Variants in GLIS1 observed in about 807,000 individuals in gnomAD.
The protein encoded by GLIS1 is GLIS family zinc finger 1.
GLIS1 carries 24 observed loss-of-function variants against 63.8 expected under a neutral mutation model. That is an observed-to-expected ratio of 0.38 (90% confidence interval 0.27 to 0.53). The LOEUF is 0.53. Ranked by LOEUF, GLIS1 falls within the 20% of genes least tolerant of loss-of-function variation. The probability of loss-of-function intolerance (pLI) is 0.85; values close to 1 mark genes in which losing one functional copy is unlikely to be tolerated. For missense variants in GLIS1, 1,036 were observed against 1,074.1 expected (o/e 0.96, Z 0.50); for synonymous variants, 450 against 482.5 (o/e 0.93, Z 0.88).
chr1:53,589,763 C>A (rs569804892), intron 4 of GLIS1, among the ~76,000 whole-genome samples: 3 of 152,180 alleles, frequency 2.0e-5, no homozygotes, highest in Non-Finnish European at 2.9e-5. Flanking sequence ...TGGGAGGACA[C>A]GCATGGGCCT....
intron 4 of GLIS1, among the ~76,000 whole-genome samples, chr1:53,577,643 GA>G (rs1645045991): frequency 6.6e-6 from 1 of 152,210 alleles, no homozygotes; most frequent in Non-Finnish European, 1.5e-5. Flanking sequence ...CTGGAGCACA[GA>G]AGTGAGGATC....
intron 2 of GLIS1, among the ~76,000 whole-genome samples, chr1:53,701,807 G>T (rs1022996029): frequency 6.6e-6 from 1 of 151,950 alleles, no homozygotes; most frequent in African/African-American, 2.4e-5. Context: ...AGCCTGCCCA[G>T]CATGGAGAAA....
intron 4 of GLIS1, among the ~76,000 whole-genome samples, chr1:53,586,317 C>T (rs1365682012): frequency 6.6e-6 from 1 of 152,178 alleles, no homozygotes; most frequent in East Asian, 1.9e-4. Flanking sequence ...CTACTGCAGA[C>T]TCTGACTGCT....
chr1:53,697,693 T>C lies in GLIS1; in HGVS notation c.259+40113A>G, dbSNP rs533297598. Reference sequence around the variant, plus strand: ...CTTCCACAGTCCAGCTAACACTTATTTAGCATATACTCGGTGCGGACACTG... The same window carrying C: ...CTTCCACAGTCCAGCTAACACTTATCTAGCATATACTCGGTGCGGACACTG... On this transcript the variant is annotated intron_variant, in intron 2 of 10. Coordinates refer to ENST00000628545, the MANE Select transcript of GLIS1 (RefSeq NM_001367484.1). Among the ~76,000 whole-genome samples, 3 of 152,316 alleles carry C rather than the reference T, an allele frequency of 2.0e-5. No individual in the cohort carries two copies. The East Asian group carries it at 5.8e-4, about 29-fold the overall frequency.
intron 2 of GLIS1, among the ~76,000 whole-genome samples, chr1:53,690,724 C>T (rs963442518): frequency 3.3e-5 from 5 of 152,174 alleles, no homozygotes; most frequent in Non-Finnish European, 7.3e-5. Flanking sequence ...CTGGCCTTAA[C>T]AGACAGAGAA....
At chr1:53,578,524 C>T (rs149061395) in intron 4 of GLIS1, among the ~76,000 whole-genome samples, 314 of 152,282 alleles carry the variant, frequency 2.1e-3, no homozygotes, top group African/African-American at 7.0e-3. Flanking sequence ...CATAAGACCT[C>T]GTAGGGATTA....
At chr1:53,638,327 A>G (rs2100278219) in intron 2 of GLIS1, among the ~76,000 whole-genome samples, 1 of 152,330 alleles carries the variant, frequency 6.6e-6, no homozygotes, top group East Asian at 1.9e-4. Flanking sequence ...TTCCCATCAC[A>G]GCAACCACAC....
intron 2 of GLIS1, among the ~76,000 whole-genome samples, chr1:53,626,796 G>T (rs1286311580): frequency 6.6e-6 from 1 of 152,166 alleles, no homozygotes; most frequent in Non-Finnish European, 1.5e-5. Context: ...GTCCACTCCC[G>T]CATCATCTGG....
intron 6 of GLIS1, 71 bp from the exon 7 acceptor site, chr1:53,520,837 G>T: frequency 6.7e-7 from 1 of 1,486,466 alleles, no homozygotes; most frequent in Non-Finnish European, 9.0e-7. Flanking sequence ...TCACGTTAGG[G>T]GACAGGGCAG....
intron 4 of GLIS1, among the ~76,000 whole-genome samples, chr1:53,547,792 C>T (rs2316194): frequency 0.55 from 83,338 of 151,670 alleles, 23,705 homozygotes; most frequent in Middle Eastern, 0.63. Context: ...TGTCAGCGAT[C>T]ACCAGGACAG....
At position 53,662,389 on chromosome 1, in the gene GLIS1, G is replaced by A. The variant is rs1380684408; in HGVS notation, c.260-62111C>T. 2.6e-5 allele frequency among the ~76,000 whole-genome samples: 4 copies of A among 152,206 alleles called. No individual in the cohort carries two copies. The East Asian group carries it at 5.8e-4, about 22-fold the overall frequency. ...AACCATGTGTTCCCAATGAGGTAAT[G>A]GATGGGAACGCACTTTGTAAAATGT... On this transcript the variant is annotated intron_variant, in intron 2 of 10. Transcript: ENST00000628545.
chr1:53,683,920 C>T (rs1296958045), intron 2 of GLIS1, among the ~76,000 whole-genome samples: 1 of 152,082 alleles, frequency 6.6e-6, no homozygotes, highest in Non-Finnish European at 1.5e-5. Flanking sequence ...CCTGACCCAC[C>T]CCGCCTGCCA....
intron 2 of GLIS1, among the ~76,000 whole-genome samples, chr1:53,676,626 C>G (rs895694494): frequency 6.6e-6 from 1 of 152,164 alleles, no homozygotes; most frequent in African/African-American, 2.4e-5. Flanking sequence ...AGCCCCAGCC[C>G]TGCCACAGAC....
chr1:53,529,101 T>C (rs573330051), intron 5 of GLIS1, among the ~76,000 whole-genome samples: 17 of 152,318 alleles, frequency 1.1e-4, no homozygotes, highest in African/African-American at 4.1e-4. Context: ...TATGAGATCC[T>C]GAGGGGTGAA....
chr1:53,699,497 G>C (rs1157692194), intron 2 of GLIS1, among the ~76,000 whole-genome samples: 2 of 152,182 alleles, frequency 1.3e-5, no homozygotes, highest in Non-Finnish European at 1.5e-5. Flanking sequence ...GCATTATACT[G>C]ACCAGTTGAG....
intron 2 of GLIS1, among the ~76,000 whole-genome samples, chr1:53,621,649 GGTTTTA>G (rs1199974602): frequency 6.6e-6 from 1 of 151,850 alleles, no homozygotes; most frequent in Non-Finnish European, 1.5e-5. Flanking sequence ...TAGAAGAGAT[GGTTTTA>G]GTTTTAGTAA....
intron 2 of GLIS1, among the ~76,000 whole-genome samples, chr1:53,700,457 A>AG (rs1314408235): frequency 6.6e-6 from 1 of 152,200 alleles, no homozygotes; most frequent in Non-Finnish European, 1.5e-5. Flanking sequence ...GCTGTCAGGA[A>AG]GGAAGGATGG....
At chr1:53,567,696 C>G (rs929926282) in intron 4 of GLIS1, among the ~76,000 whole-genome samples, 1 of 152,234 alleles carries the variant, frequency 6.6e-6, no homozygotes, top group African/African-American at 2.4e-5. Context: ...TGTTCTGCAT[C>G]TCAGCTGCCC....
chr1:53,636,455 C>T (rs1036293076), intron 2 of GLIS1, among the ~76,000 whole-genome samples: 3 of 152,194 alleles, frequency 2.0e-5, no homozygotes, highest in Non-Finnish European at 1.5e-5. Context: ...AAAAAAGCTT[C>T]CTTAATGTGA....
Sources: gnomAD v4.1 joint callset for allele counts (sites outside exome capture counted in the v4.1 genomes callset) on GRCh38, gnomAD v4.1.1 for gene constraint, MANE v1.5 for transcripts, NCBI Gene and HGNC (gene_info 2026-07-23, HGNC 2026-07-21) for gene names.